Variants in GRIK3 observed in about 807,000 individuals in gnomAD.
The protein encoded by GRIK3 is glutamate receptor ionotropic, kainate 3.
In GRIK3, 29 loss-of-function variants were observed where a neutral mutation model predicts 102.5. The observed-to-expected ratio is 0.28, with a 90% CI of 0.21 to 0.39. The LOEUF is 0.39. Among genes scored for constraint, GRIK3 ranks in the 10% least tolerant of loss-of-function variants. The probability of loss-of-function intolerance (pLI) is 1.00; values close to 1 mark genes in which losing one functional copy is unlikely to be tolerated. For missense variants in GRIK3, 908 were observed against 1,252.4 expected (o/e 0.73, Z 4.15); for synonymous variants, 511 against 504.9 (o/e 1.01, Z -0.16).
At chr1:36,956,461 G>A (rs1239319898) in intron 1 of GRIK3, among the ~76,000 whole-genome samples, 1 of 152,182 alleles carries the variant, frequency 6.6e-6, no homozygotes, top group South Asian at 2.1e-4. Context: ...CACCGGAGAG[G>A]GAAAAACCCG....
At chr1:36,906,132 A>G (rs1641281930) in intron 1 of GRIK3, among the ~76,000 whole-genome samples, 1 of 152,202 alleles carries the variant, frequency 6.6e-6, no homozygotes, top group Non-Finnish European at 1.5e-5. Context: ...AAAAGAAGTC[A>G]GCACCAGGCT....
intron 13 of GRIK3, among the ~76,000 whole-genome samples, chr1:36,812,045 C>A (rs1445060205): frequency 1.3e-5 from 2 of 152,086 alleles, no homozygotes; most frequent in African/African-American, 4.8e-5. Flanking sequence ...GGTCCCCCTA[C>A]CTGCTTCTGC....
intron 1 of GRIK3, among the ~76,000 whole-genome samples, chr1:36,909,002 A>C (rs1259194659): frequency 1.3e-5 from 2 of 152,088 alleles, no homozygotes; most frequent in African/African-American, 4.8e-5. Context: ...TACATTTAAC[A>C]CTCATGAGAA....
At chr1:37,027,478 C>G (rs929290219) in intron 1 of GRIK3, among the ~76,000 whole-genome samples, 3 of 152,224 alleles carry the variant, frequency 2.0e-5, no homozygotes, top group African/African-American at 7.2e-5. Flanking sequence ...CTCTCATGGT[C>G]AGTCATGCAA....
At chr1:36,916,931 A>G (rs1641408424) in intron 1 of GRIK3, among the ~76,000 whole-genome samples, 1 of 152,226 alleles carries the variant, frequency 6.6e-6, no homozygotes, top group Non-Finnish European at 1.5e-5. Context: ...TCCAGACCCC[A>G]GAATGGTAGA....
chr1:37,030,997 A>G (rs1642821658), intron 1 of GRIK3, among the ~76,000 whole-genome samples: 1 of 152,074 alleles, frequency 6.6e-6, no homozygotes, highest in Non-Finnish European at 1.5e-5. Context: ...TCCACTACAG[A>G]TTTGGGGTCA....
intron 1 of GRIK3, among the ~76,000 whole-genome samples, chr1:36,918,658 C>G (rs1428092870): frequency 6.6e-6 from 1 of 152,130 alleles, no homozygotes; most frequent in East Asian, 1.9e-4. Flanking sequence ...CCAGCTGTGT[C>G]CTCCCCCAGA....
At chr1:36,997,851 A>G (rs778318959) in intron 1 of GRIK3, among the ~76,000 whole-genome samples, 1 of 152,186 alleles carries the variant, frequency 6.6e-6, no homozygotes, top group South Asian at 2.1e-4. Flanking sequence ...GAGCTGACCA[A>G]TCCAGTCTAG....
chr1:36,984,257 C>T (rs545592971), intron 1 of GRIK3, among the ~76,000 whole-genome samples: 5 of 152,340 alleles, frequency 3.3e-5, no homozygotes, highest in African/African-American at 9.6e-5. Flanking sequence ...CACCCACACA[C>T]GTGCACACTT....
Position 36,872,368 on chromosome 1 carries a change from C to A in GRIK3, c.552G>T (p.Gly184=). The change falls in exon 4 of 16, where the codon GGG becomes GGT. Residue 184 remains glycine, a splice_region_variant and synonymous_variant. Coordinates refer to ENST00000373091, the MANE Select transcript of GRIK3 (RefSeq NM_000831.4). The surrounding 1 kb of genome is among the most constrained non-coding windows in gnomAD (Gnocchi z 5.9). ...TGATGAGCTCCTGCAGTCGGATGAG[C>A]CCTGAGGGGCCATGGAGCACAAAAG... is the stretch of plus-strand genomic sequence containing the variant. ...SATVVYDDST[G]LIRLQELIMA... The A allele has an allele frequency of 6.3e-7, 1 of 1,585,960 alleles. No homozygotes were observed.
In GRIK3 at chr1:36,850,622, G is replaced by C. The variant is rs1226772593; in HGVS notation, c.1213-198C>G. ...CTGCAGCTCTCCCTCCTCTCCTGAC[G>C]AGGGTCCCAGGGTGTCGAATCTCTG... is the stretch of plus-strand genomic sequence containing the variant. On this transcript the variant is annotated intron_variant, in intron 8 of 15. Transcript: ENST00000373091. This position sits in a 1 kb window ranked among gnomAD's most constrained non-coding sequence, Gnocchi z 4.0. 6.6e-6 allele frequency among the ~76,000 whole-genome samples: 1 copy of C among 152,176 alleles called. No homozygotes were observed. The highest frequency in any genetic ancestry group is 2.4e-5 in the African/African-American group (1 of 41,426).
At chr1:36,833,494 G>A (rs1219224549) in intron 10 of GRIK3, among the ~76,000 whole-genome samples, 1 of 152,176 alleles carries the variant, frequency 6.6e-6, no homozygotes, top group Non-Finnish European at 1.5e-5. Context: ...CTCCACCTTT[G>A]GAGCCCATCT....
chr1:36,986,117 G>A (rs758507174), intron 1 of GRIK3, among the ~76,000 whole-genome samples: 10 of 152,126 alleles, frequency 6.6e-5, no homozygotes, highest in Admixed American at 1.3e-4. Flanking sequence ...CCCTGCCCCC[G>A]GGACCCAGAC....
intron 10 of GRIK3, among the ~76,000 whole-genome samples, chr1:36,830,635 C>A (rs551609357): frequency 6.6e-6 from 1 of 151,918 alleles, no homozygotes; most frequent in East Asian, 1.9e-4. Context: ...CATGGTGAAA[C>A]CCCGTCTCTA....
chr1:36,968,554 T>G (rs1403522884), intron 1 of GRIK3, among the ~76,000 whole-genome samples: 1 of 152,162 alleles, frequency 6.6e-6, no homozygotes, highest in African/African-American at 2.4e-5. Flanking sequence ...ACCTGCCCTT[T>G]CAAGGGCCCC....
At position 36,954,037 on chromosome 1, in the gene GRIK3, C is replaced by T. The variant is rs142858294; in HGVS notation, c.116-62941G>A. 6.7e-3 allele frequency among the ~76,000 whole-genome samples: 1,026 copies of T among 152,310 alleles called. 8 individuals carry two copies. Among genetic ancestry groups the T allele is most frequent in the Non-Finnish European group, 0.011 (734 of 68,022 alleles). On this transcript the variant is annotated intron_variant, in intron 1 of 15. Transcript: ENST00000373091. ...GAGCCAAGCTCTGATGATGGGAAAC[C>T]GTTAGTCCTAAGAGGAAAGGGATCT...
At chr1:36,905,028 G>A (rs564011812) in intron 1 of GRIK3, among the ~76,000 whole-genome samples, 1 of 152,048 alleles carries the variant, frequency 6.6e-6, no homozygotes, top group East Asian at 1.9e-4. Context: ...CTAGCAGAAA[G>A]TAAACAGAGA....
chr1:36,967,079 C>T (rs116677687), intron 1 of GRIK3, among the ~76,000 whole-genome samples: 90 of 152,308 alleles, frequency 5.9e-4, no homozygotes, highest in African/African-American at 1.9e-3. Context: ...GAGACAACAT[C>T]TCACACAGTT....
At chr1:36,986,251 T>G (rs1570846104) in intron 1 of GRIK3, among the ~76,000 whole-genome samples, 1 of 152,112 alleles carries the variant, frequency 6.6e-6, no homozygotes, top group East Asian at 1.9e-4. Context: ...CAGAATGCCA[T>G]GATTCCTCAA....
Sources: gnomAD v4.1 joint callset for allele counts (sites outside exome capture counted in the v4.1 genomes callset) on GRCh38, gnomAD v4.1.1 for gene constraint, Gnocchi (gnomAD v3.1) non-coding constraint, MANE v1.5 for transcripts, NCBI Gene and HGNC (gene_info 2026-07-23, HGNC 2026-07-21) for gene names.